Variants in PHF21B observed in about 807,000 individuals in gnomAD.
The protein encoded by PHF21B is PHD finger protein 21B.
In PHF21B, 22 loss-of-function variants were observed where a neutral mutation model predicts 62.2. The observed-to-expected ratio is 0.35, with a 90% CI of 0.25 to 0.51. The LOEUF is 0.51. Ranked by LOEUF, PHF21B falls within the 20% of genes least tolerant of loss-of-function variation. The pLI is 0.97. For synonymous variants in PHF21B, 341 were observed against 314.7 expected (o/e 1.08, Z -0.88); for missense variants, 701 against 707.9 (o/e 0.99, Z 0.11).
At chr22:44,939,022 C>G (rs977753167) in intron 2 of PHF21B, among the ~76,000 whole-genome samples, 5 of 152,242 alleles carry the variant, frequency 3.3e-5, no homozygotes, top group African/African-American at 1.2e-4. Context: ...TGCACACACA[C>G]GGCGCCTCCA....
At chr22:44,903,423 T>A (rs2071195835) in intron 5 of PHF21B, among the ~76,000 whole-genome samples, 1 of 151,624 alleles carries the variant, frequency 6.6e-6, no homozygotes, top group African/African-American at 2.4e-5. Flanking sequence ...CACTAACACT[T>A]CTTGCCCAGT....
intron 6 of PHF21B, among the ~76,000 whole-genome samples, chr22:44,894,154 C>T (rs1255501796): frequency 6.6e-6 from 1 of 152,160 alleles, no homozygotes. Context: ...CTTTTTAAAC[C>T]TTCTCAATAT....
chr22:44,968,309 G>C (rs2072569404), intron 2 of PHF21B, among the ~76,000 whole-genome samples: 1 of 152,086 alleles, frequency 6.6e-6, no homozygotes, highest in African/African-American at 2.4e-5. Context: ...CTCTGTACTT[G>C]GTCTATGATG....
intron 5 of PHF21B, among the ~76,000 whole-genome samples, chr22:44,908,153 C>T (rs553805799): frequency 6.6e-6 from 1 of 152,324 alleles, no homozygotes; most frequent in East Asian, 1.9e-4. Flanking sequence ...GACCTCCACT[C>T]AGCCTGACCA....
chr22:44,915,065 G>A (rs2071410076), intron 4 of PHF21B, among the ~76,000 whole-genome samples: 1 of 152,150 alleles, frequency 6.6e-6, no homozygotes, highest in Non-Finnish European at 1.5e-5. Flanking sequence ...TGATGAATTT[G>A]AGGCTTCTGA....
At chr22:44,957,921 A>G (rs1372483156) in intron 2 of PHF21B, among the ~76,000 whole-genome samples, 1 of 124,644 alleles carries the variant, frequency 8.0e-6, no homozygotes, top group East Asian at 2.3e-4. Flanking sequence ...TTTTTTTTTG[A>G]GATGGAGTTT....
intron 2 of PHF21B, among the ~76,000 whole-genome samples, chr22:45,007,584 C>CGGAG (rs374774358): frequency 0.78 from 82,963 of 105,932 alleles, 32,965 homozygotes; most frequent in Non-Finnish European, 0.83. Flanking sequence ...GAGGGGGCAG[C>CGGAG]GGAGGGAGGG....
At chr22:44,968,515 G>A (rs1177041773) in intron 2 of PHF21B, among the ~76,000 whole-genome samples, 6 of 152,006 alleles carry the variant, frequency 3.9e-5, no homozygotes, top group African/African-American at 1.5e-4. Flanking sequence ...GTGGTGGCAC[G>A]TGCTTGTAAT....
At chr22:44,947,113 C>T (rs1022523015) in intron 2 of PHF21B, among the ~76,000 whole-genome samples, 2 of 152,234 alleles carry the variant, frequency 1.3e-5, no homozygotes, top group African/African-American at 2.4e-5. Context: ...TCACGCACTG[C>T]GTGGGTGGCA....
At chr22:44,923,133 A>T (rs2071567116) in intron 2 of PHF21B, among the ~76,000 whole-genome samples, 1 of 152,152 alleles carries the variant, frequency 6.6e-6, no homozygotes, top group African/African-American at 2.4e-5. Context: ...TGGTGTTAAG[A>T]TGCATAAATA....
intron 2 of PHF21B, among the ~76,000 whole-genome samples, chr22:44,958,307 C>T (rs1728632549): frequency 6.6e-6 from 1 of 152,174 alleles, no homozygotes; most frequent in Non-Finnish European, 1.5e-5. Flanking sequence ...TCGGGGTCTG[C>T]TGAAACCCTG....
intron 2 of PHF21B, among the ~76,000 whole-genome samples, chr22:45,007,430 G>A (rs1003473201): frequency 5.4e-5 from 8 of 147,318 alleles, no homozygotes; most frequent in Non-Finnish European, 9.0e-5. Flanking sequence ...TGGGAGCGCG[G>A]GGGCAGGCCC....
intron 2 of PHF21B, among the ~76,000 whole-genome samples, chr22:44,950,892 C>T (rs561946562): frequency 4.1e-5 from 6 of 147,794 alleles, no homozygotes; most frequent in East Asian, 4.5e-4. Context: ...TAGGGTTAGC[C>T]GGTGGACTTA....
intron 2 of PHF21B, among the ~76,000 whole-genome samples, chr22:44,978,057 C>T (rs1056434477): frequency 2.6e-5 from 4 of 152,098 alleles, no homozygotes; most frequent in African/African-American, 7.2e-5. Flanking sequence ...ATCCATTATC[C>T]ATCAGTGGTG....
intron 5 of PHF21B, 88 bp downstream of exon 5, chr22:44,913,734 A>G: frequency 6.8e-7 from 1 of 1,475,544 alleles, no homozygotes; most frequent in Non-Finnish European, 9.0e-7. Context: ...ACCACCCCAC[A>G]GTGAGGCCAT....
chr22:45,007,958 C>A (rs2073356334), intron 2 of PHF21B, among the ~76,000 whole-genome samples: 1 of 151,678 alleles, frequency 6.6e-6, no homozygotes, highest in African/African-American at 2.4e-5. Flanking sequence ...TCTCAGGTGT[C>A]CCCAACTACA....
intron 2 of PHF21B, among the ~76,000 whole-genome samples, chr22:44,976,954 A>C (rs750533287): frequency 1.3e-5 from 2 of 152,130 alleles, no homozygotes; most frequent in African/African-American, 4.8e-5. Flanking sequence ...CCTGGGCAAC[A>C]TGGCAAAACC....
In PHF21B at chr22:45,009,347, G is replaced by T; in HGVS notation, c.54+149C>A. 5.1e-6 allele frequency: 4 copies of T among 783,754 alleles called. No individual in the cohort carries two copies. The highest frequency in any genetic ancestry group is 2.7e-4 in the Middle Eastern group (1 of 3,770). The allele number at this position is 783,754 out of a possible 1,614,324, so 48.5% of individuals were successfully genotyped here. ...GGGGAGCCCAGAAGGGGGTCCGCGC[G>T]TGTGCTCACTCCCTCGCCCCCCGCC... On this transcript the variant is annotated intron_variant, in intron 1 of 12. Transcript: ENST00000313237. The surrounding 1 kb of genome is among the most constrained non-coding windows in gnomAD (Gnocchi z 5.9).
At chr22:44,996,358 C>T (rs2073123019) in intron 2 of PHF21B, among the ~76,000 whole-genome samples, 2 of 152,206 alleles carry the variant, frequency 1.3e-5, no homozygotes, top group South Asian at 2.1e-4. Flanking sequence ...TGGTTGGTGC[C>T]GCTTCTCCTT....
Sources: allele counts gnomAD v4.1 joint callset (sites outside exome capture counted in the v4.1 genomes callset), GRCh38; gene constraint gnomAD v4.1.1; non-coding constraint Gnocchi (gnomAD v3.1); transcripts MANE v1.5; gene names NCBI Gene and HGNC (gene_info 2026-07-23, HGNC 2026-07-21).